Variants in PTPRK observed in about 807,000 individuals in gnomAD.
PTPRK encodes protein tyrosine phosphatase receptor type K, also known as receptor-type tyrosine-protein phosphatase kappa.
In PTPRK, 75 loss-of-function variants were observed where a neutral mutation model predicts 178.0. The ratio of observed to expected loss-of-function variants is 0.42; its 90% CI spans 0.35 to 0.51. PTPRK has a LOEUF of 0.51. Ranked by LOEUF, PTPRK falls within the 20% of genes least tolerant of loss-of-function variation. The probability of loss-of-function intolerance (pLI) is 0.02; values close to 1 mark genes in which losing one functional copy is unlikely to be tolerated. For missense variants in PTPRK, 1,441 were observed against 1,797.8 expected, an observed-to-expected ratio of 0.80 and a Z score of 3.59; for synonymous variants, 637 against 620.6, an observed-to-expected ratio of 1.03 and a Z score of -0.39.
rs373236074 is a variant in PTPRK at position 128,194,064 on chromosome 6, A to ATATTAT, written c.869-9345_869-9340dup. On this transcript the variant is annotated intron_variant, in intron 6 of 29. Transcript: ENST00000368226. ...ATAAATCGCAATAATATTTATATAT[A>ATATTAT]TATTATTATTATTATTATTATTATT... is the stretch of plus-strand genomic sequence containing the variant. Among the ~76,000 whole-genome samples the ATATTAT allele has an allele frequency of 1.0e-2, 1,370 of 137,534 alleles. 15 individuals carry two copies. The highest frequency in any genetic ancestry group is 0.051 in the Middle Eastern group (14 of 274). 90.2% of individuals were successfully genotyped at this position (137,534 alleles called of 152,430 possible).
intron 6 of PTPRK, among the ~76,000 whole-genome samples, chr6:128,199,256 C>T (rs1420564499): frequency 1.3e-5 from 2 of 152,098 alleles, no homozygotes; most frequent in African/African-American, 2.4e-5. Context: ...GTGGCACAGT[C>T]ACACAACAAG....
chr6:128,506,682 A>AAAAAAAAAAG (rs1554284970), intron 1 of PTPRK, among the ~76,000 whole-genome samples: 2 of 146,208 alleles, frequency 1.4e-5, no homozygotes, highest in African/African-American at 2.6e-5. Flanking sequence ...AAAAAAAAAA[A>AAAAAAAAAAG]TTATTATAAG....
chr6:128,499,479 A>G (rs1855229640), intron 1 of PTPRK, among the ~76,000 whole-genome samples: 1 of 152,222 alleles, frequency 6.6e-6, no homozygotes, highest in Admixed American at 6.5e-5. Flanking sequence ...TTATACACGA[A>G]TTGAGGATAA....
intron 3 of PTPRK, among the ~76,000 whole-genome samples, chr6:128,261,989 T>G (rs1472750113): frequency 6.6e-6 from 1 of 152,182 alleles, no homozygotes; most frequent in African/African-American, 2.4e-5. Flanking sequence ...TGATTATGCC[T>G]AGAATCCAAT....
chr6:128,184,800 C>T, intron 6 of PTPRK, 75 bp from the exon 7 acceptor site: 1 of 1,369,538 alleles, frequency 7.3e-7, no homozygotes, highest in Non-Finnish European at 9.9e-7. Flanking sequence ...CTAATAAGGC[C>T]TAAATGCTTA....
chr6:128,271,046 T>C (rs890804799), intron 3 of PTPRK, among the ~76,000 whole-genome samples: 1 of 151,864 alleles, frequency 6.6e-6, no homozygotes, highest in Admixed American at 6.6e-5. Context: ...ACATCAAGAG[T>C]AGCCTTGAAG....
chr6:128,210,158 T>G (rs1807837140), intron 6 of PTPRK, among the ~76,000 whole-genome samples: 1 of 152,010 alleles, frequency 6.6e-6, no homozygotes, highest in African/African-American at 2.4e-5. Flanking sequence ...AAGAAAAGTG[T>G]GGGGCATTCA....
chr6:128,019,664 C>T (rs1773174818), intron 13 of PTPRK, among the ~76,000 whole-genome samples: 1 of 152,142 alleles, frequency 6.6e-6, no homozygotes, highest in Non-Finnish European at 1.5e-5. Flanking sequence ...ACCTGGCACA[C>T]TTCTAGGGTT....
chr6:128,088,095 C>T (rs1254770890), intron 8 of PTPRK, among the ~76,000 whole-genome samples: 2 of 151,990 alleles, frequency 1.3e-5, no homozygotes, highest in Middle Eastern at 3.2e-3. Context: ...AAATGTAGCC[C>T]CGCTGGGCAC....
At chr6:128,446,114 C>T (rs190818010) in intron 1 of PTPRK, among the ~76,000 whole-genome samples, 1 of 152,290 alleles carries the variant, frequency 6.6e-6, no homozygotes, top group East Asian at 1.9e-4. Flanking sequence ...GCAACCTGCA[C>T]TTCTCACTAA....
At chr6:128,144,211 T>C (rs11965115) in intron 7 of PTPRK, among the ~76,000 whole-genome samples, 12,435 of 152,212 alleles carry the variant, frequency 0.082, 781 homozygotes, top group African/African-American at 0.17. Flanking sequence ...GACAAGCCCC[T>C]TCCCTGAATT....
chr6:128,011,703 G>A (rs1041030535), intron 13 of PTPRK, among the ~76,000 whole-genome samples: 10 of 150,972 alleles, frequency 6.6e-5, no homozygotes, highest in African/African-American at 2.4e-4. Flanking sequence ...TCAAACTCAG[G>A]GGATGAAGAC....
chr6:128,140,632 G>T (rs1322959815), intron 7 of PTPRK, among the ~76,000 whole-genome samples: 1 of 151,858 alleles, frequency 6.6e-6, no homozygotes, highest in African/African-American at 2.4e-5. Context: ...TTTATGCTCA[G>T]AATTATCATC....
In PTPRK at chr6:128,270,144, T is replaced by A. The variant is rs1349608930; in HGVS notation, c.496-27542A>T. On this transcript the variant is annotated intron_variant, in intron 3 of 29. Coordinates refer to ENST00000368226, the MANE Select transcript of PTPRK (RefSeq NM_002844.4). Reference sequence around the variant, plus strand: ...AGGGGATTATACTTTCTCATAGTTATATTATAATTTTGGTAGAGTTTTTGA... The same window carrying A: ...AGGGGATTATACTTTCTCATAGTTAAATTATAATTTTGGTAGAGTTTTTGA... Among the ~76,000 whole-genome samples the A allele has an allele frequency of 2.0e-5, 3 of 152,156 alleles. No individual in the cohort carries two copies. The East Asian group carries it at 5.8e-4, about 29-fold the overall frequency.
At chr6:128,113,111 T>G (rs1790937750) in intron 7 of PTPRK, among the ~76,000 whole-genome samples, 1 of 152,102 alleles carries the variant, frequency 6.6e-6, no homozygotes, top group Non-Finnish European at 1.5e-5. Context: ...CATAGCCTCC[T>G]AACTAATCTC....
At position 128,519,251 on chromosome 6, in the gene PTPRK, G is replaced by C; in HGVS notation, c.100+1008C>G. 2 of 387,948 alleles carry C rather than the reference G, an allele frequency of 5.2e-6. No homozygotes were observed. Among genetic ancestry groups the C allele is most frequent in the South Asian group, 3.8e-5 (2 of 52,582 alleles). 24.0% of individuals were successfully genotyped at this position (387,948 alleles called of 1,614,324 possible). A position where few individuals can be genotyped will look rare whatever the true frequency, so the allele number is the denominator to read the frequency against. ...GAAACTTCAGAGCCCCCAGAGGAGA[G>C]AACGAAAGAAGCAACCAACCTACAC... On this transcript the variant is annotated intron_variant, in intron 1 of 29. Coordinates refer to ENST00000368226, the MANE Select transcript of PTPRK (RefSeq NM_002844.4). The surrounding 1 kb of genome is among the most constrained non-coding windows in gnomAD (Gnocchi z 4.3).
At chr6:128,334,769 C>T (rs944555662) in intron 2 of PTPRK, among the ~76,000 whole-genome samples, 1 of 152,156 alleles carries the variant, frequency 6.6e-6, no homozygotes, top group Non-Finnish European at 1.5e-5. Flanking sequence ...TCTCCCCCAT[C>T]ACCCAAATAA....
At chr6:128,076,000 G>A (rs1783744946) in intron 11 of PTPRK, among the ~76,000 whole-genome samples, 1 of 151,938 alleles carries the variant, frequency 6.6e-6, no homozygotes, top group South Asian at 2.1e-4. Flanking sequence ...TGTAGTTCTG[G>A]TTTATTTGGG....
intron 25 of PTPRK, among the ~76,000 whole-genome samples, chr6:127,978,275 A>C (rs886681929): frequency 1.4e-4 from 22 of 152,192 alleles, no homozygotes; most frequent in African/African-American, 5.3e-4. Context: ...GAATTGTAAT[A>C]ATCCCCACAT....
Sources: allele counts gnomAD v4.1 joint callset (sites outside exome capture counted in the v4.1 genomes callset), GRCh38; gene constraint gnomAD v4.1.1; non-coding constraint Gnocchi (gnomAD v3.1); transcripts MANE v1.5; gene names NCBI Gene and HGNC (gene_info 2026-07-23, HGNC 2026-07-21).